BRD8: variants seen among roughly 807,000 people sequenced by gnomAD.
The protein encoded by BRD8 is bromodomain-containing protein 8.
A neutral mutation model predicts 143.1 loss-of-function variants in BRD8; 67 were observed. The observed-to-expected ratio is 0.47, with a 90% CI of 0.38 to 0.57. BRD8 has a LOEUF of 0.57. BRD8 is among the 20% of genes least tolerant of loss of function. The pLI is 0.00. For missense variants in BRD8, 1,103 were observed against 1,503.0 expected, an observed-to-expected ratio of 0.73 and a Z score of 4.40; for synonymous variants, 505 against 517.1, an observed-to-expected ratio of 0.98 and a Z score of 0.32.
chr5:138,156,760 CTT>C, intron 20 of BRD8: 1 of 887,512 alleles, frequency 1.1e-6, no homozygotes, highest in African/African-American at 1.8e-5. Context: ...GTTCATAAGA[CTT>C]TTCCCCTGTA....
chr5:138,169,254 T>C lies in BRD8; in HGVS notation c.610A>G (p.Thr204Ala). The C allele has an allele frequency of 6.2e-7, 1 of 1,613,980 alleles. No individual in the cohort carries two copies. Among genetic ancestry groups the C allele is most frequent in the Non-Finnish European group, 8.5e-7 (1 of 1,179,984 alleles). Residue 204 changes from threonine to alanine, a missense_variant, in exon 8 of 27, where the codon ACT (threonine) becomes GCT (alanine). Physicochemically the swap from Thr to Ala is moderately conservative, Grantham distance 58. Transcript: ENST00000254900. ...PGGDYPLGDL[T>A]PTTMEEATSG... ...GTAGCCTCTTCCATAGTGGTTGGAGTCAAGTCCCCAAGTGGATAATCACCT... is the reference window on the plus strand; with the variant it reads ...GTAGCCTCTTCCATAGTGGTTGGAGCCAAGTCCCCAAGTGGATAATCACCT...
chr5:138,152,300 G>A (rs989538942), intron 21 of BRD8, among the ~76,000 whole-genome samples, 182 bp downstream of exon 21: 4 of 152,358 alleles, frequency 2.6e-5, no homozygotes, highest in Admixed American at 2.6e-4. Flanking sequence ...CAAAAAGCAT[G>A]TATTTGGTGC....
At chr5:138,163,893 T>A (rs953574980) in intron 14 of BRD8, among the ~76,000 whole-genome samples, 194 bp downstream of exon 14, 2 of 152,242 alleles carry the variant, frequency 1.3e-5, no homozygotes, top group Non-Finnish European at 1.5e-5. Flanking sequence ...GATATTCACA[T>A]GCTGTTTCAT....
At position 138,140,033 on chromosome 5, in the gene BRD8, G is replaced by C; in HGVS notation, c.*41C>G. ...TCCTCTCTAGGTCAGAGTTCCGGGA[G>C]AGATTCAAACTCTAGAAAAAGTCAG... On this transcript the variant is annotated 3_prime_UTR_variant, in exon 27 of 27. Coordinates refer to ENST00000254900, the MANE Select transcript of BRD8 (RefSeq NM_139199.2). 2 of 1,487,980 alleles carry C rather than the reference G, an allele frequency of 1.3e-6. No individual in the cohort carries two copies. Among genetic ancestry groups the C allele is most frequent in the East Asian group, 4.5e-5 (2 of 44,292 alleles). The allele number at this position is 1,487,980 out of a possible 1,614,324, so 92.2% of individuals were successfully genotyped here.
At position 138,164,404 on chromosome 5, in the gene BRD8, C is replaced by T. The variant is rs1753234050; in HGVS notation, c.1741G>A (p.Glu581Lys). 6.2e-7 allele frequency: 1 copy of T among 1,614,092 alleles called. No homozygotes were observed. Among genetic ancestry groups the T allele is most frequent in the Non-Finnish European group, 8.5e-7 (1 of 1,179,974 alleles). ...LTNVKTEASPESMLSPSHGSN... is the reference protein window; with the variant it reads ...LTNVKTEASPKSMLSPSHGSN... ...CCATGTGATGGAGACAACATGCTTT[C>T]AGGGGATGCCTGAAAACCAGAAAAG... Residue 581 changes from glutamate to lysine, a missense_variant, in exon 13 of 27, where the codon GAA becomes AAA. Physicochemically the swap from Glu to Lys is moderately conservative, Grantham distance 56. Coordinates refer to ENST00000254900, the MANE Select transcript of BRD8 (RefSeq NM_139199.2).
At chr5:138,172,239 G>GA in intron 2 of BRD8, 105 bp from the exon 3 acceptor site, 1 of 908,716 alleles carries the variant, frequency 1.1e-6, no homozygotes, top group Non-Finnish European at 1.7e-6. Flanking sequence ...AAAAAGATGC[G>GA]AATGGCCAGG....
At chr5:138,158,379 A>G (rs1752744080) in intron 20 of BRD8, among the ~76,000 whole-genome samples, 1 of 152,196 alleles carries the variant, frequency 6.6e-6, no homozygotes, top group Non-Finnish European at 1.5e-5. Flanking sequence ...TCTTTAGGCT[A>G]GCTCTCCTAA....
At chr5:138,142,053 G>A (rs1435200569) in intron 25 of BRD8, among the ~76,000 whole-genome samples, 49 of 152,174 alleles carry the variant, frequency 3.2e-4, no homozygotes. Context: ...GTATTAAGAG[G>A]TGGAGCCTTT....
intron 20 of BRD8, among the ~76,000 whole-genome samples, 199 bp downstream of exon 20, chr5:138,159,356 C>T (rs1038037285): frequency 6.6e-6 from 1 of 151,532 alleles, no homozygotes; most frequent in Non-Finnish European, 1.5e-5. Context: ...AAAAACAGTC[C>T]CTACCCAGCC....
At chr5:138,155,274 C>A (rs1457719744) in intron 20 of BRD8, among the ~76,000 whole-genome samples, 5 of 151,476 alleles carry the variant, frequency 3.3e-5, no homozygotes, top group African/African-American at 4.8e-5. Flanking sequence ...TGGAGAAACC[C>A]CACCTCTACT....
intron 23 of BRD8, among the ~76,000 whole-genome samples, chr5:138,148,443 C>T (rs1036622016): frequency 6.6e-6 from 1 of 152,156 alleles, no homozygotes; most frequent in Non-Finnish European, 1.5e-5. Context: ...TCATAGCTCA[C>T]TGTAACCTTC....
Position 138,172,152 on chromosome 5 carries a change from C to G in BRD8, c.117-18G>C, listed in dbSNP as rs1186420324. 5 of 1,600,016 alleles carry G rather than the reference C, an allele frequency of 3.1e-6. No individual in the cohort carries two copies. Among genetic ancestry groups the G allele is most frequent in the Non-Finnish European group, 4.3e-6 (5 of 1,168,960 alleles). ...CTGATACCCTACAAAATGAGGAAAG[C>G]TTTATTACACACCAAGCAGAAAACA... On this transcript the variant is annotated intron_variant, in intron 2 of 26. Coordinates refer to ENST00000254900, the MANE Select transcript of BRD8 (RefSeq NM_139199.2).
Position 138,164,730 on chromosome 5 carries a change from G to T in BRD8, c.1715C>A (p.Thr572Lys), listed in dbSNP as rs567725388. Residue 572 changes from threonine to lysine, a missense_variant, in exon 12 of 27, where the codon ACA (threonine) becomes AAA (lysine). Physicochemically the swap from Thr to Lys is moderately conservative, Grantham distance 78. This residue lies in a region of BRD8 where 139 missense variants were observed against 139.0 expected (regional missense o/e 1.00). Coordinates refer to ENST00000254900, the MANE Select transcript of BRD8 (RefSeq NM_139199.2). ...CTTAAGTACCTCTGTCTTCACATTT[G>T]TAAGTGGAGTCTCATCGCCTTTCCC... The part of the protein sequence containing the change: ...AIGKGDETPL[T>K]NVKTEASPES... The T allele has an allele frequency of 1.6e-5, 26 of 1,614,026 alleles. No homozygotes were observed. Among genetic ancestry groups the T allele is most frequent in the Non-Finnish European group, 2.1e-5 (25 of 1,180,030 alleles).
Position 138,145,860 on chromosome 5 carries a change from A to G in BRD8, c.3297T>C (p.Asp1099=). 1.9e-6 allele frequency: 3 copies of G among 1,613,994 alleles called. No individual in the cohort carries two copies. The highest frequency in any genetic ancestry group is 2.5e-6 in the Non-Finnish European group (3 of 1,179,890). Residue 1099 remains aspartate, a synonymous_variant, in exon 24 of 27, where the codon GAT becomes GAC. Transcript: ENST00000254900. ...ATAGCAAATGATCCTGAACAGGGTC[A>G]TCCTGGCTTAGATCAGTCCTATGAG... ...TSSKLTDLSQ[D]DPVQDHLLFK...
chr5:138,144,865 C>T (rs1420271080), intron 25 of BRD8, among the ~76,000 whole-genome samples: 1 of 139,340 alleles, frequency 7.2e-6, no homozygotes, highest in Admixed American at 7.8e-5. Context: ...TGTACCACTG[C>T]ACTCCAGCCT....
intron 20 of BRD8, among the ~76,000 whole-genome samples, chr5:138,154,955 G>A (rs1438882872): frequency 6.7e-6 from 1 of 149,646 alleles, no homozygotes; most frequent in African/African-American, 2.5e-5. Context: ...TCAGCCTCCC[G>A]CGTAACTGGG....
At chr5:138,144,211 G>A (rs1386831325) in intron 25 of BRD8, among the ~76,000 whole-genome samples, 6 of 151,654 alleles carry the variant, frequency 4.0e-5, no homozygotes, top group Non-Finnish European at 8.8e-5. Flanking sequence ...TGGGAGGAAC[G>A]AACAACTCCA....
At position 138,140,549 on chromosome 5, in the gene BRD8, G is replaced by C. The variant is rs1280331002; in HGVS notation, c.3615+156C>G. 5 of 834,318 alleles carry C rather than the reference G, an allele frequency of 6.0e-6. No individual in the cohort carries two copies. In the Admixed American group the frequency reaches 1.1e-4, roughly 19 times the overall value. The allele number at this position is 834,318 out of a possible 1,614,324, so 51.7% of individuals were successfully genotyped here. On this transcript the variant is annotated intron_variant, in intron 26 of 26. Transcript: ENST00000254900. Reference sequence around the variant, plus strand: ...TCAGAGCTGGACTTACTGAGGCTCAGGGTTTTCCAAACCAGCAGGCACATT... The same window carrying C: ...TCAGAGCTGGACTTACTGAGGCTCACGGTTTTCCAAACCAGCAGGCACATT...
rs767596000 is a variant in BRD8 at position 138,140,703 on chromosome 5, AC to A, written c.3615+1del. On this transcript the variant is annotated splice_donor_variant, in intron 26 of 26. Transcript: ENST00000254900. LOFTEE classifies it high-confidence loss of function. ...GAGGCTACAGGTATCTGCATACAGTACCTGAATCTGCTCCAGGACTTCTTGC... is the reference window on the plus strand; with the variant it reads ...GAGGCTACAGGTATCTGCATACAGTACTGAATCTGCTCCAGGACTTCTTGC... 83 of 1,613,570 alleles carry A rather than the reference AC, an allele frequency of 5.1e-5. 1 individual carries two copies. In the South Asian group the frequency reaches 8.6e-4, roughly 17 times the overall value.
Sources: allele counts gnomAD v4.1 joint callset (sites outside exome capture counted in the v4.1 genomes callset), GRCh38; gene constraint gnomAD v4.1.1; regional missense constraint gnomAD v4.1.1; transcripts MANE v1.5; gene names NCBI Gene and HGNC (gene_info 2026-07-23, HGNC 2026-07-21).